The following TMPRSS11B variants were observed in gnomAD, a reference collection of about 807,000 sequenced individuals.
TMPRSS11B encodes the protein transmembrane serine protease 11B, also known as transmembrane protease serine 11B.
TMPRSS11B carries 53 observed loss-of-function variants against 44.7 expected under a neutral mutation model. The ratio of observed to expected loss-of-function variants is 1.19; its 90% confidence interval spans 0.95 to 1.49. TMPRSS11B has a LOEUF of 1.49. Ranked by LOEUF, TMPRSS11B falls within the 40% of genes most tolerant of loss-of-function variation. TMPRSS11B has a pLI of 0.00. For missense variants in TMPRSS11B, 526 were observed against 494.8 expected, an observed-to-expected ratio of 1.06 and a Z score of -0.60; for synonymous variants, 140 against 159.2, an observed-to-expected ratio of 0.88 and a Z score of 0.91.
chr4:68,228,615 C>T (rs1314913180), intron 9 of TMPRSS11B, 127 bp downstream of exon 9: 3 of 938,004 alleles, frequency 3.2e-6, no homozygotes, highest in African/African-American at 3.4e-5. Flanking sequence ...GGAATTAATA[C>T]ATTTTTAGTG....
In TMPRSS11B at chr4:68,231,396, A is replaced by G; in HGVS notation, c.509-16T>C. ...CTCCCACAACCTAGAGAAAGGATTT[A>G]TTTACACGAGAGCAGGTATCTTTGA... On this transcript the variant is annotated splice_polypyrimidine_tract_variant and intron_variant, in intron 6 of 9. Coordinates refer to ENST00000332644, the MANE Select transcript of TMPRSS11B (RefSeq NM_182502.3). 1 of 1,597,968 alleles carries G rather than the reference A, an allele frequency of 6.3e-7. No individual in the cohort carries two copies. The highest frequency in any genetic ancestry group is 8.5e-7 in the Non-Finnish European group (1 of 1,172,142).
At position 68,241,683 on chromosome 4, in the gene TMPRSS11B, A is replaced by G. The variant is rs1719825597; in HGVS notation, c.124+6T>C. Reference sequence around the variant, plus strand: ...AGGATGAAAACTGAAAATAATCAGTACTCACCAACTGCCAGAAAATGAACA... The same window carrying G: ...AGGATGAAAACTGAAAATAATCAGTGCTCACCAACTGCCAGAAAATGAACA... On this transcript the variant is annotated splice_donor_region_variant and intron_variant, in intron 2 of 9. Transcript: ENST00000332644. 1.9e-6 allele frequency: 3 copies of G among 1,556,994 alleles called. No individual in the cohort carries two copies. The highest frequency in any genetic ancestry group is 1.7e-5 in the Admixed American group (1 of 59,812).
Position 68,231,221 on chromosome 4 carries a change from G to A in TMPRSS11B, c.668C>T (p.Ala223Val), listed in dbSNP as rs1311918702. The A allele has an allele frequency of 1.9e-6, 3 of 1,609,922 alleles. No homozygotes were observed. The highest frequency in any genetic ancestry group is 2.5e-6 in the Non-Finnish European group (3 of 1,178,822). Residue 223 changes from alanine to valine, a missense_variant, in exon 7 of 10, where the codon GCA (alanine) becomes GTA (valine). Transcript: ENST00000332644. ...AACTTACTTAGCAAAGCAGTGAGCT[G>A]CAGATAATAGCCACCTGCTGCTGAT... ...SLISSRWLLS[A>V]AHCFAKKNNS... is the part of the protein sequence containing the mutation.
chr4:68,237,899 C>G lies in TMPRSS11B; in HGVS notation c.125-1633G>C, dbSNP rs1333068588. 2.0e-5 allele frequency among the ~76,000 whole-genome samples: 3 copies of G among 152,184 alleles called. No homozygotes were observed. The East Asian group carries it at 5.8e-4, about 30-fold the overall frequency. On this transcript the variant is annotated intron_variant, in intron 2 of 9. Transcript: ENST00000332644. ...GGGCATGGTGGCACGTGCCTGTAGT[C>G]CCAGCTACTGAGGAAGCTGAAGTGG...
chr4:68,230,580 G>C (rs966553558), intron 7 of TMPRSS11B, among the ~76,000 whole-genome samples: 6 of 151,488 alleles, frequency 4.0e-5, no homozygotes, highest in Non-Finnish European at 8.8e-5. Context: ...GAGGCAGGCG[G>C]ATCACTTAAG....
chr4:68,230,954 C>G (rs1051532448), intron 7 of TMPRSS11B, among the ~76,000 whole-genome samples: 1 of 152,168 alleles, frequency 6.6e-6, no homozygotes, highest in African/African-American at 2.4e-5. Flanking sequence ...AAGTAAAGCA[C>G]TTAATGTCAG....
At position 68,228,785 on chromosome 4, in the gene TMPRSS11B, A is replaced by G; in HGVS notation, c.1046T>C (p.Met349Thr). ...TCCTGACATAAATCCAGCACATAAC[A>G]TTGTATCAGTCACAAAGCCAGAGTA... ...YAYSGFVTDT[M>T]LCAGFMSGEA... is the part of the protein sequence containing the mutation. Residue 349 changes from methionine (M) to threonine (T), a missense_variant, in exon 9 of 10, where the codon ATG becomes ACG. By Grantham distance (81) the Met-to-Thr change is moderately conservative. Transcript: ENST00000332644. 1.9e-6 allele frequency: 3 copies of G among 1,613,898 alleles called. No homozygotes were observed. The highest frequency in any genetic ancestry group is 2.2e-5 in the South Asian group (2 of 91,048).
rs2109954568 is a variant in TMPRSS11B, at chr4:68,229,380, G to A, written c.823C>T (p.Gln275Ter). ...PGLHDDIALV[Q>*]LAEEVSFTEY... is the part of the protein sequence containing the mutation. ...GTAAAAGAAACTTCTTCAGCAAGCT[G>A]CACAAGGGCAATATCATCATGAAGC... Residue 275 changes from glutamine to a stop codon, truncating the protein, a stop_gained, in exon 8 of 10, where the codon CAG becomes TAG. Coordinates refer to ENST00000332644, the MANE Select transcript of TMPRSS11B (RefSeq NM_182502.3). LOFTEE classifies it high-confidence loss of function. The A allele has an allele frequency of 5.0e-6, 8 of 1,614,070 alleles. No individual in the cohort carries two copies. The highest frequency in any genetic ancestry group is 1.7e-4 in the Middle Eastern group (1 of 6,060).
rs757008701 is a variant in TMPRSS11B, at chr4:68,229,300, A to C, written c.903T>G (p.Asn301Lys). 1 of 1,613,158 alleles carries C rather than the reference A, an allele frequency of 6.2e-7. No individual in the cohort carries two copies. The highest frequency in any genetic ancestry group is 1.7e-5 in the Admixed American group (1 of 59,898). Residue 301 changes from asparagine (N) to lysine (K), a missense_variant, in exon 8 of 10, where the codon AAT (asparagine) becomes AAG (lysine). Physicochemically the swap from Asn to Lys is moderately conservative, Grantham distance 94. Transcript: ENST00000332644. ...CCCAACCTGTAACTACAACATTGTCATTTTCTGAGAGCTTCATTTTGGCTT... is the reference window on the plus strand; with the variant it reads ...CCCAACCTGTAACTACAACATTGTCCTTTTCTGAGAGCTTCATTTTGGCTT... ...LPEAKMKLSE[N>K]DNVVVTGWGT...
chr4:68,233,889 T>C (rs775822728), intron 5 of TMPRSS11B, among the ~76,000 whole-genome samples: 1 of 151,898 alleles, frequency 6.6e-6, no homozygotes, highest in Admixed American at 6.6e-5. Context: ...AAAGATACTT[T>C]GCCTGGGCTC....
At chr4:68,233,517 G>T (rs1719577149) in intron 5 of TMPRSS11B, among the ~76,000 whole-genome samples, 1 of 152,030 alleles carries the variant, frequency 6.6e-6, no homozygotes, top group Admixed American at 6.6e-5. Flanking sequence ...TTTTCTGTGA[G>T]AAGCTTTTGG....
Position 68,234,626 on chromosome 4 carries a change from A to G in TMPRSS11B, c.309-3T>C, listed in dbSNP as rs369897500. ...CATTTGAACCATTGGCATTAGGCCT[A>G]GAAACAACAGAAATTTTCTAATGTA... On this transcript the variant is annotated splice_region_variant and splice_polypyrimidine_tract_variant and intron_variant, in intron 4 of 9. Coordinates refer to ENST00000332644, the MANE Select transcript of TMPRSS11B (RefSeq NM_182502.3). The G allele has an allele frequency of 3.6e-5, 58 of 1,612,272 alleles. No individual in the cohort carries two copies. Among genetic ancestry groups the G allele is most frequent in the Non-Finnish European group, 4.7e-5 (56 of 1,179,622 alleles).
intron 8 of TMPRSS11B, 107 bp downstream of exon 8, chr4:68,229,150 T>C: frequency 8.3e-7 from 1 of 1,201,994 alleles, no homozygotes; most frequent in Non-Finnish European, 1.2e-6. Context: ...CTTTTCAGTA[T>C]ATTTACTGAT....
rs868158621 is a variant in TMPRSS11B at position 68,236,933 on chromosome 4, T to C, written c.125-667A>G. Among the ~76,000 whole-genome samples, 470 of 149,764 alleles carry C rather than the reference T, an allele frequency of 3.1e-3. 2 individuals are homozygous for C. Among genetic ancestry groups the C allele is most frequent in the Non-Finnish European group, 5.2e-3 (350 of 67,512 alleles). On this transcript the variant is annotated intron_variant, in intron 2 of 9. Transcript: ENST00000332644. ...ATGGTGCCATTATTATTATTATTAT[T>C]ATTATTATTATTATTATTATTATAC...
At chr4:68,234,377 A>G (rs528270358) in intron 5 of TMPRSS11B, 86 bp downstream of exon 5, 1 of 1,436,290 alleles carries the variant, frequency 7.0e-7, no homozygotes, top group African/African-American at 1.4e-5. Flanking sequence ...AATTACTAAA[A>G]CTCTTAGTTC....
chr4:68,230,233 T>C (rs913729552), intron 7 of TMPRSS11B, among the ~76,000 whole-genome samples: 4 of 152,210 alleles, frequency 2.6e-5, no homozygotes, highest in African/African-American at 9.7e-5. Context: ...CAAGTGCATA[T>C]GGCTTTTTGG....
In TMPRSS11B at chr4:68,241,707, CAAG is replaced by C. The variant is rs1719826704; in HGVS notation, c.103_105del (p.Leu35del). ...TACTCACCAACTGCCAGAAAATGAA[CAAG>C]AAGACCAATGGTTACTCCCAAGATT... On this transcript the variant is annotated inframe_deletion, in exon 2 of 10. Coordinates refer to ENST00000332644, the MANE Select transcript of TMPRSS11B (RefSeq NM_182502.3). 7 of 1,610,492 alleles carry C rather than the reference CAAG, an allele frequency of 4.3e-6. No individual in the cohort carries two copies. Among genetic ancestry groups the C allele is most frequent in the Non-Finnish European group, 5.1e-6 (6 of 1,177,646 alleles).
rs201569562 is a variant in TMPRSS11B, at chr4:68,241,808, T to C, written c.9-4A>G. 192 of 1,602,874 alleles carry C rather than the reference T, an allele frequency of 1.2e-4. No individual in the cohort carries two copies. The East Asian group carries it at 2.9e-3, about 24-fold the overall frequency. On this transcript the variant is annotated splice_polypyrimidine_tract_variant and splice_region_variant and intron_variant, in intron 1 of 9. Coordinates refer to ENST00000332644, the MANE Select transcript of TMPRSS11B (RefSeq NM_182502.3). ...TCTTTGGGAAGATATGCCGTGCCTA[T>C]GAAAGAGGAAAATTTTGGTTCAAAT...
At chr4:68,228,207 G>C in intron 9 of TMPRSS11B, 135 bp from the exon 10 acceptor site, 2 of 815,946 alleles carry the variant, frequency 2.5e-6, no homozygotes, top group Non-Finnish European at 1.8e-6. Flanking sequence ...GAAACCCTTA[G>C]GACTTTTTTT....
Sources: allele counts gnomAD v4.1 joint callset (sites outside exome capture counted in the v4.1 genomes callset), GRCh38; gene constraint gnomAD v4.1.1; transcripts MANE v1.5; gene names NCBI Gene and HGNC (gene_info 2026-07-23, HGNC 2026-07-21).